The following PHACTR3 variants were observed in gnomAD, a reference collection of about 807,000 sequenced individuals.
PHACTR3 encodes phosphatase and actin regulator 3, also known as protein phosphatase 1, regulatory subunit 123.
In PHACTR3, 16 loss-of-function variants were observed where a neutral mutation model predicts 66.8. That is an observed-to-expected ratio of 0.24 (90% CI 0.16 to 0.36). The LOEUF is 0.36. PHACTR3 is among the 10% of genes least tolerant of loss of function. The probability of loss-of-function intolerance (pLI) is 1.00; values close to 1 mark genes in which losing one functional copy is unlikely to be tolerated. For synonymous variants in PHACTR3, 323 were observed against 292.1 expected (o/e 1.11, Z -1.08); for missense variants, 647 against 719.9 (o/e 0.90, Z 1.16).
chr20:59,732,800 C>T (rs1052947686), intron 1 of PHACTR3, among the ~76,000 whole-genome samples: 1 of 152,174 alleles, frequency 6.6e-6, no homozygotes, highest in African/African-American at 2.4e-5. Context: ...CACTCGCTCA[C>T]TCATTTATTC....
At chr20:59,705,541 T>C (rs1232431467) in intron 1 of PHACTR3, among the ~76,000 whole-genome samples, 1 of 152,236 alleles carries the variant, frequency 6.6e-6, no homozygotes, top group Non-Finnish European at 1.5e-5. Context: ...TTATGTTAAA[T>C]ACCCTCTTAG....
At chr20:59,652,418 A>T (rs2035486147) in intron 1 of PHACTR3, among the ~76,000 whole-genome samples, 1 of 152,126 alleles carries the variant, frequency 6.6e-6, no homozygotes, top group Admixed American at 6.5e-5. Context: ...ATGGTGGCAC[A>T]CACTTGTCTG....
intron 1 of PHACTR3, among the ~76,000 whole-genome samples, chr20:59,672,372 C>A (rs1380842888): frequency 6.6e-6 from 1 of 152,226 alleles, no homozygotes; most frequent in Non-Finnish European, 1.5e-5. Context: ...GTGATCCTCA[C>A]ATGCACCTCT....
chr20:59,737,832 G>GGAGTGAGTGAGT (rs542487884), intron 1 of PHACTR3, among the ~76,000 whole-genome samples: 2 of 152,084 alleles, frequency 1.3e-5, no homozygotes, highest in Non-Finnish European at 2.9e-5. Context: ...GTTGAAAGGT[G>GGAGTGAGTGAGT]GAGTGAGTGA....
At chr20:59,615,665 C>T (rs576621476) in intron 1 of PHACTR3, among the ~76,000 whole-genome samples, 3 of 152,278 alleles carry the variant, frequency 2.0e-5, no homozygotes, top group South Asian at 2.1e-4. Flanking sequence ...GGCTCTTCTC[C>T]GTGCATCTCT....
chr20:59,810,079 GA>G (rs2041689103), intron 8 of PHACTR3, among the ~76,000 whole-genome samples: 2 of 130,728 alleles, frequency 1.5e-5, no homozygotes. Flanking sequence ...TAAGTGAATT[GA>G]TCTAAACAAC....
intron 1 of PHACTR3, among the ~76,000 whole-genome samples, chr20:59,606,821 G>A (rs1021909335): frequency 3.9e-5 from 6 of 152,168 alleles, no homozygotes; most frequent in African/African-American, 9.7e-5. Context: ...TAAGTTATGC[G>A]TGGGAGGGCA....
intron 8 of PHACTR3, among the ~76,000 whole-genome samples, chr20:59,823,168 T>C (rs1039276964): frequency 4.6e-5 from 7 of 152,208 alleles, no homozygotes; most frequent in South Asian, 2.1e-4. Context: ...AAGGGACTTA[T>C]ATACATGGTA....
At chr20:59,612,884 A>G (rs1424329338) in intron 1 of PHACTR3, among the ~76,000 whole-genome samples, 2 of 152,190 alleles carry the variant, frequency 1.3e-5, no homozygotes, top group South Asian at 2.1e-4. Flanking sequence ...GAGGCTTCCA[A>G]TTATGGCAGA....
chr20:59,771,587 C>G (rs1181458665), intron 5 of PHACTR3, among the ~76,000 whole-genome samples: 5 of 152,038 alleles, frequency 3.3e-5, no homozygotes, highest in Non-Finnish European at 5.9e-5. Context: ...CTCTCGCCCC[C>G]CTCCCTCCAC....
chr20:59,826,098 A>G (rs541456097), intron 8 of PHACTR3, among the ~76,000 whole-genome samples: 1 of 147,802 alleles, frequency 6.8e-6, no homozygotes, highest in South Asian at 2.1e-4. Flanking sequence ...CACTGAGCTT[A>G]GGGGACTGTG....
At chr20:59,618,112 C>G (rs1345365049) in intron 1 of PHACTR3, among the ~76,000 whole-genome samples, 1 of 152,122 alleles carries the variant, frequency 6.6e-6, no homozygotes, top group African/African-American at 2.4e-5. Flanking sequence ...ACTAGCCCAG[C>G]AGGAAAGGGA....
chr20:59,769,787 T>C (rs756732186), intron 5 of PHACTR3, among the ~76,000 whole-genome samples: 2 of 152,244 alleles, frequency 1.3e-5, no homozygotes, highest in African/African-American at 4.8e-5. Context: ...CTCTGAACCC[T>C]GTCTGTCTGC....
intron 1 of PHACTR3, among the ~76,000 whole-genome samples, chr20:59,734,877 C>A (rs2038893337): frequency 6.6e-6 from 1 of 152,102 alleles, no homozygotes; most frequent in Non-Finnish European, 1.5e-5. Flanking sequence ...ACTACCTCCC[C>A]TAGCTTCTAG....
chr20:59,605,773 G>T (rs2033641299), intron 1 of PHACTR3, among the ~76,000 whole-genome samples: 1 of 146,998 alleles, frequency 6.8e-6, no homozygotes. Flanking sequence ...TTGTTTAGGT[G>T]ATAAACCGGT....
chr20:59,683,149 G>A (rs932746176), intron 1 of PHACTR3, among the ~76,000 whole-genome samples: 1 of 152,178 alleles, frequency 6.6e-6, no homozygotes, highest in Non-Finnish European at 1.5e-5. Context: ...GAGTTTCAAG[G>A]GAGGACTCTC....
intron 1 of PHACTR3, among the ~76,000 whole-genome samples, chr20:59,622,981 C>CAAAAACAAAAAAAAAAAAAAAAAAAAA (rs2034300488): frequency 3.1e-5 from 1 of 32,216 alleles, no homozygotes; most frequent in Non-Finnish European, 5.5e-5. Context: ...CAGCTTTAAC[C>CAAAAACAAAAAAAAAAAAAAAAAAAAA]AAAAAAAAAA....
At chr20:59,694,876 G>A (rs1451505054) in intron 1 of PHACTR3, among the ~76,000 whole-genome samples, 1 of 152,142 alleles carries the variant, frequency 6.6e-6, no homozygotes, top group South Asian at 2.1e-4. Flanking sequence ...GTCATGGAGA[G>A]AGAGAAGCAG....
At chr20:59,768,543 G>A (rs1405270882) in intron 5 of PHACTR3, among the ~76,000 whole-genome samples, 2 of 152,224 alleles carry the variant, frequency 1.3e-5, no homozygotes, top group South Asian at 2.1e-4. Context: ...GTGGCCAGGG[G>A]CTGGTGCCCT....
Sources: gnomAD v4.1 joint callset for allele counts (sites outside exome capture counted in the v4.1 genomes callset) on GRCh38, gnomAD v4.1.1 for gene constraint, MANE v1.5 for transcripts, NCBI Gene and HGNC (gene_info 2026-07-23, HGNC 2026-07-21) for gene names.